The following BANK1 variants were observed in gnomAD, a reference collection of about 807,000 sequenced individuals.
BANK1 encodes the protein B-cell scaffold protein with ankyrin repeats.
BANK1 carries 95 observed loss-of-function variants against 94.5 expected under a neutral mutation model. The ratio of observed to expected loss-of-function variants is 1.00; its 90% confidence interval spans 0.85 to 1.19. BANK1 has a LOEUF of 1.19. Ranked by LOEUF, BANK1 falls within the 50% of genes most tolerant of loss-of-function variation. The probability of loss-of-function intolerance (pLI) is 0.00; values close to 1 mark genes in which losing one functional copy is unlikely to be tolerated. For missense variants in BANK1, 987 were observed against 932.2 expected (o/e 1.06, Z -0.77); for synonymous variants, 334 against 308.4 (o/e 1.08, Z -0.87).
At chr4:101,838,040 A>G (rs890403822) in intron 2 of BANK1, among the ~76,000 whole-genome samples, 5 of 151,318 alleles carry the variant, frequency 3.3e-5, no homozygotes, top group Admixed American at 1.3e-4. Flanking sequence ...GCTCACTGCA[A>G]CCTCCACCTC....
intron 13 of BANK1, among the ~76,000 whole-genome samples, chr4:102,065,705 GA>G (rs1042280374): frequency 6.8e-5 from 10 of 147,644 alleles, no homozygotes; most frequent in East Asian, 2.0e-4. Flanking sequence ...AATCTCAGCA[GA>G]AAAAAAAATG....
At chr4:101,833,858 G>A (rs1726720173) in intron 2 of BANK1, among the ~76,000 whole-genome samples, 1 of 152,092 alleles carries the variant, frequency 6.6e-6, no homozygotes, top group African/African-American at 2.4e-5. Flanking sequence ...AGTTTCTTAT[G>A]ATCTCTTTTT....
chr4:102,062,843 C>A, intron 12 of BANK1: 1 of 465,364 alleles, frequency 2.1e-6, no homozygotes, highest in East Asian at 3.7e-5. Context: ...CCTCTCTGTA[C>A]CTCAGTTTCC....
At chr4:101,820,007 T>C (rs1477089285) in intron 1 of BANK1, among the ~76,000 whole-genome samples, 3 of 152,332 alleles carry the variant, frequency 2.0e-5, no homozygotes, top group African/African-American at 4.8e-5. Context: ...AAAGTTTGTC[T>C]ACTGACTCCT....
chr4:102,015,688 G>A (rs1726674430), intron 7 of BANK1, among the ~76,000 whole-genome samples: 1 of 152,040 alleles, frequency 6.6e-6, no homozygotes, highest in South Asian at 2.1e-4. Context: ...TGCCATGTTT[G>A]ACCCCTTTCC....
chr4:102,018,134 A>G (rs1726774523), intron 7 of BANK1, among the ~76,000 whole-genome samples: 2 of 152,140 alleles, frequency 1.3e-5, no homozygotes, highest in African/African-American at 2.4e-5. Context: ...GTTTTCTGTT[A>G]TTTATGGTTT....
At chr4:102,014,462 A>G (rs752160957) in intron 7 of BANK1, among the ~76,000 whole-genome samples, 1 of 152,154 alleles carries the variant, frequency 6.6e-6, no homozygotes, top group African/African-American at 2.4e-5. Flanking sequence ...AGATTCAGAA[A>G]TTATCTCTTA....
chr4:101,818,596 A>T (rs1726011997), intron 1 of BANK1, among the ~76,000 whole-genome samples: 1 of 152,160 alleles, frequency 6.6e-6, no homozygotes, highest in African/African-American at 2.4e-5. Flanking sequence ...GTGGTCAGCC[A>T]TGGTCCAAAA....
chr4:102,036,183 G>T (rs1169649348), intron 10 of BANK1, among the ~76,000 whole-genome samples: 1 of 152,120 alleles, frequency 6.6e-6, no homozygotes, highest in African/African-American at 2.4e-5. Flanking sequence ...GTTGCCCTTG[G>T]CATTTTGCAG....
chr4:101,790,783 C>A lies in BANK1; in HGVS notation c.-98C>A. ...CAAGCGGGCTGGGGAGAGCCGAGGG[C>A]CAAAGGAAGAGAAAATCGCGGGGAG... On this transcript the variant is annotated 5_prime_UTR_variant, in exon 1 of 17. Coordinates refer to ENST00000322953, the MANE Select transcript of BANK1 (RefSeq NM_017935.5). 1 of 1,325,822 alleles carries A rather than the reference C, an allele frequency of 7.5e-7. No homozygotes were observed. The highest frequency in any genetic ancestry group is 1.0e-6 in the Non-Finnish European group (1 of 957,188). The allele number at this position is 1,325,822 out of a possible 1,614,324, so 82.1% of individuals were successfully genotyped here.
chr4:101,817,596 G>C (rs894572549), intron 1 of BANK1, among the ~76,000 whole-genome samples: 5 of 152,096 alleles, frequency 3.3e-5, no homozygotes, highest in Non-Finnish European at 5.9e-5. Context: ...ATTAATGCCT[G>C]GGTGATTGGA....
chr4:102,046,658 C>T (rs949454631), intron 11 of BANK1, among the ~76,000 whole-genome samples: 4 of 152,140 alleles, frequency 2.6e-5, no homozygotes, highest in African/African-American at 9.7e-5. Context: ...GCCTTCAGCA[C>T]TTGATCTAAC....
In BANK1 at chr4:102,041,153, C is replaced by G. The variant is rs572579630; in HGVS notation, c.1901-2686C>G. On this transcript the variant is annotated intron_variant, in intron 10 of 16. Transcript: ENST00000322953. Reference sequence around the variant, plus strand: ...ACCCTGTTATGGATTTTATATCTACCTCTTGTAAAGGTGGTGTGGGGTGGC... The same window carrying G: ...ACCCTGTTATGGATTTTATATCTACGTCTTGTAAAGGTGGTGTGGGGTGGC... 1.4e-4 allele frequency among the ~76,000 whole-genome samples: 21 copies of G among 152,108 alleles called. No individual in the cohort carries two copies. The South Asian group carries it at 4.4e-3, about 32-fold the overall frequency.
chr4:101,837,649 T>C (rs1229113238), intron 2 of BANK1, among the ~76,000 whole-genome samples: 1 of 152,204 alleles, frequency 6.6e-6, no homozygotes, highest in Non-Finnish European at 1.5e-5. Context: ...TTTTAAATTC[T>C]ATTTTTAATT....
At chr4:101,864,593 A>G (rs1231111590) in intron 4 of BANK1, among the ~76,000 whole-genome samples, 2 of 152,164 alleles carry the variant, frequency 1.3e-5, no homozygotes, top group Non-Finnish European at 2.9e-5. Context: ...TTTCCTCACC[A>G]TCATAAGGGT....
intron 2 of BANK1, among the ~76,000 whole-genome samples, chr4:101,830,555 A>G (rs902170100): frequency 6.6e-5 from 10 of 152,154 alleles, no homozygotes; most frequent in African/African-American, 2.4e-4. Flanking sequence ...GCATGAGTTA[A>G]TATACTCTAG....
chr4:101,915,997 T>A (rs191734052), intron 6 of BANK1, among the ~76,000 whole-genome samples: 118 of 152,174 alleles, frequency 7.8e-4, no homozygotes, highest in Non-Finnish European at 1.2e-3. Context: ...AGATTTCAAA[T>A]ACTATTATGA....
chr4:101,940,540 A>G (rs1005255923), intron 7 of BANK1, among the ~76,000 whole-genome samples: 1 of 151,600 alleles, frequency 6.6e-6, no homozygotes, highest in Non-Finnish European at 1.5e-5. Flanking sequence ...GCCATATTGC[A>G]TTTGTTTGTC....
chr4:102,007,138 A>ATATT (rs1560682246), intron 7 of BANK1, among the ~76,000 whole-genome samples: 1 of 31,280 alleles, frequency 3.2e-5, no homozygotes, highest in Non-Finnish European at 6.8e-5. Context: ...ATATATAAAA[A>ATATT]ATATATTTTA....
Sources: allele counts gnomAD v4.1 joint callset (sites outside exome capture counted in the v4.1 genomes callset), GRCh38; gene constraint gnomAD v4.1.1; transcripts MANE v1.5; gene names NCBI Gene and HGNC (gene_info 2026-07-23, HGNC 2026-07-21).